The following ZNF91 variants were observed in gnomAD, a reference collection of about 807,000 sequenced individuals.
The protein encoded by ZNF91 is zinc finger protein 91 (HPF7, HTF10).
In ZNF91, 7 loss-of-function variants were observed where a neutral mutation model predicts 12.6. That is an observed-to-expected ratio of 0.55 (90% CI 0.31 to 1.04). ZNF91 has a LOEUF of 1.04. Ranked by LOEUF, ZNF91 falls within the 50% of genes least tolerant of loss-of-function variation. The pLI, the probability that ZNF91 is intolerant of heterozygous loss-of-function variation, is 0.05. For synonymous variants in ZNF91, 453 were observed against 462.6 expected (o/e 0.98, Z 0.27); for missense variants, 1,217 against 1,385.4 (o/e 0.88, Z 1.93).
intron 3 of ZNF91, among the ~76,000 whole-genome samples, chr19:23,346,547 C>T (rs1408517686): frequency 1.3e-5 from 2 of 152,134 alleles, no homozygotes; most frequent in Non-Finnish European, 2.9e-5. Flanking sequence ...TTAACTGACG[C>T]CATGAGAAAG....
intron 3 of ZNF91, among the ~76,000 whole-genome samples, chr19:23,305,893 C>G (rs1599675678): frequency 6.6e-6 from 1 of 152,326 alleles, no homozygotes; most frequent in Non-Finnish European, 1.5e-5. Context: ...GAAAGTGAAG[C>G]TTTGTCTATA....
chr19:23,365,484 T>C (rs1229972132), intron 3 of ZNF91, among the ~76,000 whole-genome samples: 3 of 152,066 alleles, frequency 2.0e-5, no homozygotes, highest in Admixed American at 2.0e-4. Flanking sequence ...GTCAGTTTTG[T>C]TTTAAAAAAA....
intron 1 of ZNF91, among the ~76,000 whole-genome samples, chr19:23,318,997 G>A (rs1967628194): frequency 6.6e-6 from 1 of 152,166 alleles, no homozygotes; most frequent in Non-Finnish European, 1.5e-5. Flanking sequence ...TAGGTTATGT[G>A]ACAGGTTATG....
At chr19:23,384,247 C>G (rs1282299649) in intron 1 of ZNF91, among the ~76,000 whole-genome samples, 1 of 152,148 alleles carries the variant, frequency 6.6e-6, no homozygotes, top group Admixed American at 6.5e-5. Flanking sequence ...TTACAAATAA[C>G]TTCAGTATAA....
At chr19:23,384,765 C>A (rs979700441) in intron 1 of ZNF91, 1 of 635,928 alleles carries the variant, frequency 1.6e-6, no homozygotes, top group South Asian at 1.7e-5. Flanking sequence ...GTCAGCTCCC[C>A]GGGCATAGTA....
chr19:23,361,518 C>T lies in ZNF91; in HGVS notation c.1461G>A (p.Glu487=), dbSNP rs1968770585. 6.2e-7 allele frequency: 1 copy of T among 1,613,770 alleles called. No individual in the cohort carries two copies. The highest frequency in any genetic ancestry group is 1.7e-4 in the Middle Eastern group (1 of 6,054). The stretch of plus-strand genomic sequence containing the variant: ...CACATTCTTCACATTTGTAGGGCTT[C>T]TCTCCAGTGTGTATCCTCTTATGTC... ...LTRHKRIHTG[E]KPYKCEECGK... is the part of the protein sequence containing the mutation. Residue 487 remains glutamate (E), a synonymous_variant, in exon 4 of 4, where the codon GAG becomes GAA. Transcript: ENST00000300619.
chr19:23,363,380 T>C (rs187571078), intron 3 of ZNF91, among the ~76,000 whole-genome samples: 53 of 152,340 alleles, frequency 3.5e-4, no homozygotes, highest in African/African-American at 1.3e-3. Context: ...AGAAAAATGT[T>C]ACAGCAGCAG....
chr19:23,332,791 A>G (rs1967947882), intron 1 of ZNF91, among the ~76,000 whole-genome samples: 1 of 152,198 alleles, frequency 6.6e-6, no homozygotes, highest in African/African-American at 2.4e-5. Context: ...AGGGGCTTGC[A>G]TAGGTCGTGT....
At chr19:23,366,035 C>A (rs1446984433) in intron 3 of ZNF91, among the ~76,000 whole-genome samples, 1 of 152,234 alleles carries the variant, frequency 6.6e-6, no homozygotes, top group Non-Finnish European at 1.5e-5. Flanking sequence ...TCCTCTATTC[C>A]ACAAAACCAC....
At chr19:23,368,560 C>CTATATATATATATATA (rs1369086504) in intron 3 of ZNF91, among the ~76,000 whole-genome samples, 1 of 117,538 alleles carries the variant, frequency 8.5e-6, no homozygotes, top group African/African-American at 3.4e-5. Flanking sequence ...CTCTCTCTCT[C>CTATATATATATATATA]TCTATATATA....
Position 23,362,736 on chromosome 19 carries a change from A to G in ZNF91, c.254-11T>C. On this transcript the variant is annotated splice_polypyrimidine_tract_variant and intron_variant, in intron 3 of 3. Transcript: ENST00000300619. ...AATGAGGACATATACCTGAAAAAAAAAAACTAAAAATAATAAATTACTCCA... is the reference window on the plus strand; with the variant it reads ...AATGAGGACATATACCTGAAAAAAAGAAACTAAAAATAATAAATTACTCCA... The G allele has an allele frequency of 1.4e-6, 2 of 1,432,630 alleles. No individual in the cohort carries two copies. Among genetic ancestry groups the G allele is most frequent in the South Asian group, 1.9e-5 (1 of 52,778 alleles). 88.7% of individuals were successfully genotyped at this position (1,432,630 alleles called of 1,614,324 possible). A position where few individuals can be genotyped will look rare whatever the true frequency, so the allele number is the denominator to read the frequency against.
chr19:23,332,010 C>G (rs1180076660), intron 1 of ZNF91, among the ~76,000 whole-genome samples: 1 of 152,182 alleles, frequency 6.6e-6, no homozygotes, highest in Non-Finnish European at 1.5e-5. Flanking sequence ...CTATTACAAA[C>G]AAATCTGTCT....
At chr19:23,380,049 G>A (rs1273873519) in intron 1 of ZNF91, among the ~76,000 whole-genome samples, 1 of 151,934 alleles carries the variant, frequency 6.6e-6, no homozygotes, top group East Asian at 1.9e-4. Context: ...GAGGTCAAGA[G>A]TTCAAGAGCA....
At chr19:23,338,099 A>G (rs189052261), downstream of ZNF91, 14 of 152,280 alleles carry the variant, frequency 9.2e-5, no homozygotes, top group African/African-American at 3.4e-4. Flanking sequence ...ATTGATGAAA[A>G]CTTTCCAACT....
chr19:23,315,102 G>A (rs1429254275), upstream of ZNF91, among the ~76,000 whole-genome samples: 1 of 152,106 alleles, frequency 6.6e-6, no homozygotes, highest in Non-Finnish European at 1.5e-5. Flanking sequence ...TCCTCTCAGG[G>A]GTCAGGTATT....
chr19:23,339,339 T>C (rs1382096362), intron 3 of ZNF91: 1 of 152,088 alleles, frequency 6.6e-6, no homozygotes, highest in African/African-American at 2.4e-5. Flanking sequence ...ATTCTAAATA[T>C]ATATGAACCC....
At chr19:23,385,599 T>C (rs79776781) in intron 1 of ZNF91, among the ~76,000 whole-genome samples, 2,152 of 152,290 alleles carry the variant, frequency 0.014, 25 homozygotes, top group Middle Eastern at 0.02. Flanking sequence ...TTGGCCAGGA[T>C]TGGCACTAGC....
At chr19:23,369,127 T>A (rs1440764832) in intron 3 of ZNF91, among the ~76,000 whole-genome samples, 1 of 151,968 alleles carries the variant, frequency 6.6e-6, no homozygotes, top group Non-Finnish European at 1.5e-5. Flanking sequence ...CTGCTAAACG[T>A]GGTGAAACCC....
chr19:23,361,420 A>T lies in ZNF91; in HGVS notation c.1559T>A (p.Phe520Tyr). 1 of 1,591,596 alleles carries T rather than the reference A, an allele frequency of 6.3e-7. No homozygotes were observed. Among genetic ancestry groups the T allele is most frequent in the Non-Finnish European group, 8.5e-7 (1 of 1,171,222 alleles). The change falls in exon 4 of 4, where the codon TTT becomes TAT. Residue 520 changes from phenylalanine to tyrosine, a missense_variant. Phe to Tyr is a conservative substitution (Grantham distance 22, BLOSUM62 3). Around this residue, in one of 2 missense-constraint regions of ZNF91, gnomAD observed 726 missense variants for 895.5 expected, o/e 0.81. Coordinates refer to ENST00000300619, the MANE Select transcript of ZNF91 (RefSeq NM_003430.4). ...TCTAAAAGCTTTGCCACATTCTTCAAATTTGTAGGGTTTCTCTCCAGTATG... is the reference window on the plus strand; with the variant it reads ...TCTAAAAGCTTTGCCACATTCTTCATATTTGTAGGGTTTCTCTCCAGTATG... ...IIHTGEKPYK[F>Y]EECGKAFRQS...
Sources: allele counts gnomAD v4.1 joint callset (sites outside exome capture counted in the v4.1 genomes callset), GRCh38; gene constraint gnomAD v4.1.1; regional missense constraint gnomAD v4.1.1; transcripts MANE v1.5; gene names NCBI Gene and HGNC (gene_info 2026-07-23, HGNC 2026-07-21).